Variants in GNB1 observed in about 807,000 individuals in gnomAD.
The protein encoded by GNB1 is guanine nucleotide-binding protein G(I)/G(S)/G(T) subunit beta-1.
In GNB1, 2 loss-of-function variants were observed where a neutral mutation model predicts 42.9. The observed-to-expected ratio is 0.05, with a 90% CI of 0.02 to 0.15. GNB1 has a LOEUF of 0.15. GNB1 is among the 10% of genes least tolerant of loss of function. The pLI, the probability that GNB1 is intolerant of heterozygous loss-of-function variation, is 1.00. For missense variants in GNB1, 193 were observed against 462.2 expected (o/e 0.42, Z 5.34); for synonymous variants, 183 against 174.7 (o/e 1.05, Z -0.38).
chr1:1,847,068 C>T (rs1033894275), intron 1 of GNB1, among the ~76,000 whole-genome samples: 21 of 152,210 alleles, frequency 1.4e-4, no homozygotes, highest in African/African-American at 4.1e-4. Flanking sequence ...GACAAAAGTG[C>T]CCTATTCTGG....
intron 10 of GNB1, 76 bp downstream of exon 10, chr1:1,788,977 T>C (rs1646443273): frequency 2.8e-6 from 3 of 1,065,208 alleles, no homozygotes; most frequent in Non-Finnish European, 4.3e-6. Flanking sequence ...CTGCAGCTTA[T>C]GCAACCACTC....
At position 1,790,580 on chromosome 1, in the gene GNB1, C is replaced by T. The variant is rs2100504470; in HGVS notation, c.514G>A (p.Glu172Lys). ...GDTTCALWDI[E>K]TGQQTTTFTG... ...AACGTGGTCGTCTGCTGGCCGGTCT[C>T]GATGTCCCACAGGGCACTGGAGCAG... Residue 172 changes from glutamate to lysine, a missense_variant, in exon 9 of 12, where the codon GAG (glutamate) becomes AAG (lysine). By Grantham distance (56) the Glu-to-Lys change is moderately conservative. This residue lies in a region of GNB1 where 150 missense variants were observed against 410.8 expected (regional missense o/e 0.37). Coordinates refer to ENST00000378609, the MANE Select transcript of GNB1 (RefSeq NM_002074.5). This position sits in a 1 kb window ranked among gnomAD's most constrained non-coding sequence, Gnocchi z 5.4. The T allele has an allele frequency of 1.2e-6, 2 of 1,613,022 alleles. No homozygotes were observed. Among genetic ancestry groups the T allele is most frequent in the Non-Finnish European group, 1.7e-6 (2 of 1,179,066 alleles).
At chr1:1,791,264 C>T (rs1410916358) in intron 8 of GNB1, among the ~76,000 whole-genome samples, 4 of 151,906 alleles carry the variant, frequency 2.6e-5, no homozygotes, top group Non-Finnish European at 5.9e-5. Flanking sequence ...CTCCGCCTCC[C>T]GAGTTCAAGC....
intron 1 of GNB1, among the ~76,000 whole-genome samples, chr1:1,847,879 T>C (rs1011791072): frequency 1.3e-5 from 2 of 152,178 alleles, no homozygotes; most frequent in African/African-American, 2.4e-5. Flanking sequence ...AGAACACACC[T>C]TGACAGATGT....
At chr1:1,815,650 T>C in intron 5 of GNB1, 106 bp downstream of exon 5, 2 of 645,888 alleles carry the variant, frequency 3.1e-6, no homozygotes, top group Admixed American at 5.5e-5. Flanking sequence ...AACTTCCTAA[T>C]TTCTTCACTG....
intron 1 of GNB1, among the ~76,000 whole-genome samples, chr1:1,874,836 T>C (rs1383560237): frequency 6.6e-6 from 1 of 151,550 alleles, no homozygotes; most frequent in Non-Finnish European, 1.5e-5. Flanking sequence ...CTTCGTTCTG[T>C]GAAGCATCCA....
intron 1 of GNB1, among the ~76,000 whole-genome samples, chr1:1,875,643 A>G (rs1649499996): frequency 6.6e-6 from 1 of 152,082 alleles, no homozygotes; most frequent in Non-Finnish European, 1.5e-5. Flanking sequence ...CAAAGTGCTG[A>G]GCTTACAGGA....
chr1:1,795,481 C>T (rs1646534025), intron 7 of GNB1, among the ~76,000 whole-genome samples: 1 of 152,176 alleles, frequency 6.6e-6, no homozygotes, highest in Non-Finnish European at 1.5e-5. Flanking sequence ...GAATCATGAC[C>T]TTGGCTGGAC....
chr1:1,812,432 T>TC (rs1295575268), intron 5 of GNB1, among the ~76,000 whole-genome samples: 3 of 134,826 alleles, frequency 2.2e-5, no homozygotes, highest in East Asian at 2.2e-4. Flanking sequence ...ACACACACCC[T>TC]CCCCCCAAAA....
intron 2 of GNB1, among the ~76,000 whole-genome samples, chr1:1,837,169 T>C (rs1647163010): frequency 1.3e-5 from 2 of 152,150 alleles, no homozygotes; most frequent in Admixed American, 6.5e-5. Context: ...ATCTTTGATC[T>C]CACATCTAAA....
chr1:1,828,886 T>TAC (rs1553198153), intron 2 of GNB1, among the ~76,000 whole-genome samples: 14 of 125,010 alleles, frequency 1.1e-4, no homozygotes, highest in African/African-American at 2.9e-4. Flanking sequence ...CACACACACA[T>TAC]ACACACATAC....
intron 1 of GNB1, among the ~76,000 whole-genome samples, chr1:1,887,554 C>T (rs560925682): frequency 1.8e-4 from 28 of 152,326 alleles, no homozygotes; most frequent in Admixed American, 1.6e-3. Context: ...TTCTGTTTCT[C>T]AAGTGATCAA....
intron 1 of GNB1, among the ~76,000 whole-genome samples, chr1:1,890,166 G>A (rs960643051): frequency 1.2e-4 from 18 of 152,106 alleles, no homozygotes; most frequent in Non-Finnish European, 2.2e-4. Context: ...GCAGGAGAAG[G>A]GCGAGGCCAC....
At chr1:1,833,861 ATAAAG>A (rs1357146227) in intron 2 of GNB1, among the ~76,000 whole-genome samples, 1 of 152,174 alleles carries the variant, frequency 6.6e-6, no homozygotes, top group Non-Finnish European at 1.5e-5. Flanking sequence ...GCCTGTGCCT[ATAAAG>A]TAATCTTAAC....
At chr1:1,851,110 A>C (rs1647956019) in intron 1 of GNB1, among the ~76,000 whole-genome samples, 1 of 152,022 alleles carries the variant, frequency 6.6e-6, no homozygotes, top group South Asian at 2.1e-4. Flanking sequence ...TCTACTAAAA[A>C]TACAAAAATT....
At chr1:1,819,501 G>A (rs891415871) in intron 3 of GNB1, among the ~76,000 whole-genome samples, 15 of 151,836 alleles carry the variant, frequency 9.9e-5, no homozygotes, top group Non-Finnish European at 1.6e-4. Context: ...GATTACAGGC[G>A]TGAGCCACCC....
chr1:1,834,275 C>G (rs1647115288), intron 2 of GNB1, among the ~76,000 whole-genome samples: 1 of 152,146 alleles, frequency 6.6e-6, no homozygotes, highest in Non-Finnish European at 1.5e-5. Context: ...GAGCTTACCT[C>G]TGACCCTTGG....
chr1:1,815,912 C>T (rs1646847739), intron 4 of GNB1, 50 bp from the exon 5 acceptor site: 1 of 1,093,400 alleles, frequency 9.1e-7, no homozygotes, highest in Non-Finnish European at 1.4e-6. Context: ...TTAAACGATT[C>T]TCCTCATCAC....
At chr1:1,838,268 T>C (rs1448665791) in intron 2 of GNB1, among the ~76,000 whole-genome samples, 1 of 152,174 alleles carries the variant, frequency 6.6e-6, no homozygotes, top group Non-Finnish European at 1.5e-5. Context: ...TTTTGCTTTT[T>C]AATTTAAAAT....
Sources: gnomAD v4.1 joint callset for allele counts (sites outside exome capture counted in the v4.1 genomes callset) on GRCh38, gnomAD v4.1.1 for gene constraint, gnomAD v4.1.1 regional missense constraint, Gnocchi (gnomAD v3.1) non-coding constraint, MANE v1.5 for transcripts, NCBI Gene and HGNC (gene_info 2026-07-23, HGNC 2026-07-21) for gene names.